RGS2: variants seen among roughly 807,000 people sequenced by gnomAD.
RGS2 encodes G0 to G1 switch regulatory 8, 24kD.
In RGS2, 20 loss-of-function variants were observed where a neutral mutation model predicts 26.6. The ratio of observed to expected loss-of-function variants is 0.75; its 90% CI spans 0.53 to 1.09. The LOEUF (loss-of-function observed/expected upper bound fraction) is 1.09. RGS2 is among the 50% of genes least tolerant of loss of function. The pLI, the probability that RGS2 is intolerant of heterozygous loss-of-function variation, is 0.00. For synonymous variants in RGS2, 97 were observed against 79.9 expected (o/e 1.21, Z -1.14); for missense variants, 246 against 245.5 (o/e 1.00, Z -0.01).
intron 4 of RGS2, 106 bp downstream of exon 4, chr1:192,811,253 C>G: frequency 1.4e-6 from 2 of 1,395,010 alleles, no homozygotes; most frequent in Non-Finnish European, 2.0e-6. Flanking sequence ...AAAAGTCCCT[C>G]CACGTTGTAG....
chr1:192,811,536 A>G lies in RGS2; in HGVS notation c.576A>G (p.Ser192=), dbSNP rs754843878. ...ENNSYPRFLE[S]EFYQDLCKKP... ...ACTCTTATCCTCGTTTCTTGGAGTC[A>G]GAATTCTACCAGGACTTGTGTAAAA... The change falls in exon 5 of 5, where the codon TCA becomes TCG. Residue 192 remains serine, a synonymous_variant. Transcript: ENST00000235382. The G allele has an allele frequency of 1.2e-6, 2 of 1,614,074 alleles. No individual in the cohort carries two copies. Among genetic ancestry groups the G allele is most frequent in the Non-Finnish European group, 1.7e-6 (2 of 1,180,014 alleles).
intron 1 of RGS2, 104 bp from the exon 2 acceptor site, chr1:192,810,062 G>A: frequency 2.7e-6 from 2 of 749,818 alleles, no homozygotes; most frequent in Non-Finnish European, 4.7e-6. Flanking sequence ...TATGCGGTTT[G>A]TCTCTAGTTA....
chr1:192,811,798 C>G lies in RGS2; in HGVS notation c.*202C>G, dbSNP rs1440011146. 3 of 622,246 alleles carry G rather than the reference C, an allele frequency of 4.8e-6. No individual in the cohort carries two copies. Among genetic ancestry groups the G allele is most frequent in the Non-Finnish European group, 8.6e-6 (3 of 347,156 alleles). 38.5% of individuals were successfully genotyped at this position (622,246 alleles called of 1,614,324 possible). On this transcript the variant is annotated 3_prime_UTR_variant, in exon 5 of 5. Coordinates refer to ENST00000235382, the MANE Select transcript of RGS2 (RefSeq NM_002923.4). ...GCTGGTATCAGAACAGCTTCCCTCACTGTGTACAGAACGCAAGAAGGGAAT... is the reference window on the plus strand; with the variant it reads ...GCTGGTATCAGAACAGCTTCCCTCAGTGTGTACAGAACGCAAGAAGGGAAT...
Position 192,810,184 on chromosome 1 carries a change from C to G in RGS2, c.129C>G (p.Thr43=), listed in dbSNP as rs753347945. The change falls in exon 2 of 5, where the codon ACC becomes ACG. Residue 43 remains threonine, a synonymous_variant. Coordinates refer to ENST00000235382, the MANE Select transcript of RGS2 (RefSeq NM_002923.4). ...GTTTTAGTTTAAAAGATTGGAAGAC[C>G]CGTTTGAGCTACTTCTTACAAAATT... is the stretch of plus-strand genomic sequence containing the variant. ...MKRTLLKDWK[T]RLSYFLQNSS... The G allele has an allele frequency of 1.9e-6, 3 of 1,610,622 alleles. No individual in the cohort carries two copies. The South Asian group carries it at 3.3e-5, about 18-fold the overall frequency.
intron 4 of RGS2, 30 bp from the exon 5 acceptor site, chr1:192,811,372 C>G (rs1235863533): frequency 1.9e-6 from 3 of 1,559,226 alleles, no homozygotes; most frequent in Non-Finnish European, 8.8e-7. Context: ...CTCTGAATAC[C>G]AAATAAACAA....
rs1665600143 is a variant in RGS2, at chr1:192,812,008, G to A, written c.*412G>A. The A allele has an allele frequency of 3.7e-6, 1 of 269,432 alleles. No individual in the cohort carries two copies. 16.7% of individuals were successfully genotyped at this position (269,432 alleles called of 1,614,324 possible). A position where few individuals can be genotyped will look rare whatever the true frequency, so the allele number is the denominator to read the frequency against. On this transcript the variant is annotated 3_prime_UTR_variant, in exon 5 of 5. Transcript: ENST00000235382. ...TTACCACATAGTAGTTTTAGTTTAG[G>A]ATTCAGTAACAGTGAAGTGTTTACT...
intron 4 of RGS2, 22 bp from the exon 5 acceptor site, chr1:192,811,377 AAAC>A (rs1184151131): frequency 1.9e-6 from 3 of 1,579,576 alleles, no homozygotes; most frequent in Non-Finnish European, 2.6e-6. Flanking sequence ...AATACCAAAT[AAAC>A]AACTTTTTTG....
intron 3 of RGS2, 150 bp downstream of exon 3, chr1:192,810,581 G>A: frequency 1.3e-6 from 1 of 748,070 alleles, no homozygotes; most frequent in Non-Finnish European, 2.4e-6. Flanking sequence ...ATTTCCCAGG[G>A]TTTAACAAAT....
rs762277643 is a variant in RGS2, at chr1:192,809,083, T to C, written c.12T>C (p.Ala4=). Residue 4 remains alanine (A), a synonymous_variant, in exon 1 of 5, where the codon GCT becomes GCC. Transcript: ENST00000235382. MQS[A]MFLAVQHDCR... ...GCGGGAGAACGATAATGCAAAGTGC[T>C]ATGTTCTTGGCTGTTCAACACGACT... 12 of 1,612,910 alleles carry C rather than the reference T, an allele frequency of 7.4e-6. No individual in the cohort carries two copies. The highest frequency in any genetic ancestry group is 3.3e-5 in the South Asian group (3 of 91,062).
In RGS2 at chr1:192,811,777, G is replaced by A. The variant is rs1283101268; in HGVS notation, c.*181G>A. 2 of 660,948 alleles carry A rather than the reference G, an allele frequency of 3.0e-6. No individual in the cohort carries two copies. The highest frequency in any genetic ancestry group is 2.7e-5 in the East Asian group (1 of 36,520). 40.9% of individuals were successfully genotyped at this position (660,948 alleles called of 1,614,324 possible). ...GCCAGTAACTGACTAGGAGAAGCTG[G>A]TATCAGAACAGCTTCCCTCACTGTG... On this transcript the variant is annotated 3_prime_UTR_variant, in exon 5 of 5. Coordinates refer to ENST00000235382, the MANE Select transcript of RGS2 (RefSeq NM_002923.4).
In RGS2 at chr1:192,811,818, G is replaced by A. The variant is rs955383362; in HGVS notation, c.*222G>A. 5.2e-6 allele frequency: 3 copies of A among 578,944 alleles called. No individual in the cohort carries two copies. Among genetic ancestry groups the A allele is most frequent in the African/African-American group, 3.7e-5 (2 of 53,452 alleles). 35.9% of individuals were successfully genotyped at this position (578,944 alleles called of 1,614,324 possible). On this transcript the variant is annotated 3_prime_UTR_variant, in exon 5 of 5. Coordinates refer to ENST00000235382, the MANE Select transcript of RGS2 (RefSeq NM_002923.4). ...CCTCACTGTGTACAGAACGCAAGAA[G>A]GGAATAGGTGGTCTGAACGTGGTGT...
chr1:192,811,509 C>A lies in RGS2; in HGVS notation c.549C>A (p.Asn183Lys). 6.2e-7 allele frequency: 1 copy of A among 1,614,082 alleles called. No homozygotes were observed. Among genetic ancestry groups the A allele is most frequent in the South Asian group, 1.1e-5 (1 of 91,082 alleles). ...AAAGGGTATACAGCTTGATGGAGAA[C>A]AACTCTTATCCTCGTTTCTTGGAGT... The part of the protein sequence containing the change: ...AQKRVYSLME[N>K]NSYPRFLESE... Residue 183 changes from asparagine to lysine, a missense_variant, in exon 5 of 5, where the codon AAC (asparagine) becomes AAA (lysine). Transcript: ENST00000235382.
At chr1:192,810,528 A>G in intron 3 of RGS2, 97 bp downstream of exon 3, 1 of 1,019,772 alleles carries the variant, frequency 9.8e-7, no homozygotes, top group Non-Finnish European at 1.5e-6. Flanking sequence ...GAGGGGGATT[A>G]GACTGCAGTC....
intron 1 of RGS2, chr1:192,809,605 C>T (rs1020467281): frequency 3.3e-6 from 1 of 307,324 alleles, no homozygotes; most frequent in Non-Finnish European, 6.4e-6. Context: ...TAGAGCAGAT[C>T]TCACCCAGTC....
rs747921480 is a variant in RGS2 at position 192,809,051 on chromosome 1, G to A, written c.-21G>A. Reference sequence around the variant, plus strand: ...CGCACGCCCAGCCGCAAACAGCCGGGGCTCCAGCGGGAGAACGATAATGCA... The same window carrying A: ...CGCACGCCCAGCCGCAAACAGCCGGAGCTCCAGCGGGAGAACGATAATGCA... On this transcript the variant is annotated 5_prime_UTR_variant, in exon 1 of 5. Transcript: ENST00000235382. 2.3e-5 allele frequency: 37 copies of A among 1,574,610 alleles called. No individual in the cohort carries two copies. The Admixed American group carries it at 4.2e-4, about 18-fold the overall frequency.
At chr1:192,811,228 G>C (rs111983702) in intron 4 of RGS2, 81 bp downstream of exon 4, 7 of 1,519,976 alleles carry the variant, frequency 4.6e-6, no homozygotes, top group African/African-American at 1.4e-5. Context: ...AGGACAAAGC[G>C]GGCTAGGAGG....
chr1:192,809,272 G>A (rs541275903), intron 1 of RGS2, 91 bp downstream of exon 1: 104 of 929,114 alleles, frequency 1.1e-4, no homozygotes, highest in Non-Finnish European at 1.7e-4. Context: ...TTGACGTTAG[G>A]AAACTAGCCT....
In RGS2 at chr1:192,809,201, C is replaced by A; in HGVS notation, c.110+20C>A. On this transcript the variant is annotated intron_variant, in intron 1 of 4. Coordinates refer to ENST00000235382, the MANE Select transcript of RGS2 (RefSeq NM_002923.4). ...GACCCTGTGAGTATGGCTTTCTTCCCTCTCCCGCCACCCCCTGCCCCACAC... is the reference window on the plus strand; with the variant it reads ...GACCCTGTGAGTATGGCTTTCTTCCATCTCCCGCCACCCCCTGCCCCACAC... 1.3e-6 allele frequency: 2 copies of A among 1,534,124 alleles called. No individual in the cohort carries two copies. The highest frequency in any genetic ancestry group is 1.1e-5 in the South Asian group (1 of 89,468).
chr1:192,811,218 A>G, intron 4 of RGS2, 71 bp downstream of exon 4: 2 of 1,576,656 alleles, frequency 1.3e-6, no homozygotes, highest in Non-Finnish European at 1.7e-6. Context: ...AAAGTAATCA[A>G]GGACAAAGCG....
Sources: gnomAD v4.1 joint callset for allele counts on GRCh38, gnomAD v4.1.1 for gene constraint, MANE v1.5 for transcripts, NCBI Gene and HGNC (gene_info 2026-07-23, HGNC 2026-07-21) for gene names.